Variants in ZNF804A observed in about 807,000 individuals in gnomAD.
ZNF804A encodes the protein zinc finger protein 804A.
ZNF804A carries 2 observed loss-of-function variants against 16.5 expected under a neutral mutation model. The observed-to-expected ratio is 0.12, with a 90% CI of 0.05 to 0.38. The LOEUF is 0.38. Among genes scored for constraint, ZNF804A ranks in the 10% least tolerant of loss-of-function variants. The probability of loss-of-function intolerance (pLI) is 0.99; values close to 1 mark genes in which losing one functional copy is unlikely to be tolerated. For missense variants in ZNF804A, 1,473 were observed against 1,390.7 expected (o/e 1.06, Z -0.94); for synonymous variants, 534 against 489.6 (o/e 1.09, Z -1.20).
chr2:184,809,241 G>A (rs1694855408), intron 1 of ZNF804A, among the ~76,000 whole-genome samples: 2 of 151,616 alleles, frequency 1.3e-5, no homozygotes, highest in South Asian at 4.1e-4. Flanking sequence ...TAGGTAAATG[G>A]ATAAAATTAT....
intron 1 of ZNF804A, among the ~76,000 whole-genome samples, chr2:184,788,879 T>A (rs1008351652): frequency 2.6e-5 from 4 of 151,958 alleles, no homozygotes; most frequent in African/African-American, 4.8e-5. Context: ...TGAGTAGGAG[T>A]GGTGAGAGCA....
At chr2:184,670,241 T>C (rs1405106859) in intron 1 of ZNF804A, among the ~76,000 whole-genome samples, 2 of 152,120 alleles carry the variant, frequency 1.3e-5, no homozygotes, top group South Asian at 2.1e-4. Context: ...ATCAGCCCAA[T>C]GTATTTAATT....
intron 1 of ZNF804A, among the ~76,000 whole-genome samples, chr2:184,809,058 A>G (rs1694853101): frequency 6.6e-6 from 1 of 151,892 alleles, no homozygotes; most frequent in African/African-American, 2.4e-5. Flanking sequence ...TACCAAAATC[A>G]AGACTTGAAG....
chr2:184,818,551 A>T (rs576279488), intron 1 of ZNF804A, among the ~76,000 whole-genome samples: 39 of 152,248 alleles, frequency 2.6e-4, no homozygotes, highest in African/African-American at 9.4e-4. Context: ...AAATTCACAC[A>T]TAAAAATATT....
At chr2:184,883,919 C>T (rs547430080) in intron 2 of ZNF804A, among the ~76,000 whole-genome samples, 1 of 152,166 alleles carries the variant, frequency 6.6e-6, no homozygotes, top group South Asian at 2.1e-4. Context: ...ACTCACCACT[C>T]CTATTTCACA....
chr2:184,808,194 C>G (rs1694840396), intron 1 of ZNF804A, among the ~76,000 whole-genome samples: 1 of 151,390 alleles, frequency 6.6e-6, no homozygotes, highest in African/African-American at 2.4e-5. Context: ...TAAATATAAG[C>G]ATGTATCATA....
chr2:184,629,562 C>A (rs1321862553), intron 1 of ZNF804A, among the ~76,000 whole-genome samples: 2 of 152,006 alleles, frequency 1.3e-5, no homozygotes, highest in Non-Finnish European at 2.9e-5. Flanking sequence ...ATAGTTAATA[C>A]AAATATACAA....
intron 2 of ZNF804A, among the ~76,000 whole-genome samples, chr2:184,933,273 A>T (rs1016212114): frequency 1.3e-5 from 2 of 152,164 alleles, no homozygotes; most frequent in Non-Finnish European, 2.9e-5. Flanking sequence ...ATTTTTTTGT[A>T]AATTTGGGAT....
intron 1 of ZNF804A, among the ~76,000 whole-genome samples, chr2:184,864,709 C>A (rs370852213): frequency 1.3e-5 from 2 of 152,062 alleles, no homozygotes; most frequent in African/African-American, 4.8e-5. Flanking sequence ...ATTGTAGAAA[C>A]AATTTAAACA....
intron 1 of ZNF804A, among the ~76,000 whole-genome samples, chr2:184,771,054 T>C (rs1423265417): frequency 6.6e-6 from 1 of 152,044 alleles, no homozygotes; most frequent in Non-Finnish European, 1.5e-5. Flanking sequence ...TATATTAATT[T>C]ACACAGTGGT....
intron 1 of ZNF804A, among the ~76,000 whole-genome samples, chr2:184,706,844 A>G (rs1479069388): frequency 2.6e-5 from 4 of 152,246 alleles, no homozygotes; most frequent in African/African-American, 9.6e-5. Context: ...AATGTGTTCT[A>G]TACTGATGAG....
At chr2:184,860,914 G>A (rs1406535935) in intron 1 of ZNF804A, among the ~76,000 whole-genome samples, 1 of 152,234 alleles carries the variant, frequency 6.6e-6, no homozygotes, top group Admixed American at 6.5e-5. Context: ...CTAGGGTATG[G>A]GCAAATCAGA....
chr2:184,803,759 G>C (rs1197704813), intron 1 of ZNF804A, among the ~76,000 whole-genome samples: 1 of 152,046 alleles, frequency 6.6e-6, no homozygotes, highest in Admixed American at 6.6e-5. Flanking sequence ...AGCTTCTGAT[G>C]GCCCCAGGTG....
intron 1 of ZNF804A, among the ~76,000 whole-genome samples, chr2:184,832,749 A>G (rs545168103): frequency 1.3e-4 from 20 of 152,106 alleles, no homozygotes; most frequent in Admixed American, 4.6e-4. Flanking sequence ...TATACAATCT[A>G]TAATTTTGAT....
intron 2 of ZNF804A, among the ~76,000 whole-genome samples, chr2:184,907,955 T>A (rs1034286873): frequency 6.6e-6 from 1 of 152,134 alleles, no homozygotes; most frequent in African/African-American, 2.4e-5. Flanking sequence ...AGACTGTAGA[T>A]AAATATTGAC....
At chr2:184,806,310 T>C (rs1310716796) in intron 1 of ZNF804A, among the ~76,000 whole-genome samples, 7 of 151,948 alleles carry the variant, frequency 4.6e-5, no homozygotes, top group African/African-American at 1.7e-4. Context: ...TTTTTCTTTA[T>C]TGGGGATCAA....
At chr2:184,723,683 A>G (rs1301243829) in intron 1 of ZNF804A, among the ~76,000 whole-genome samples, 1 of 151,672 alleles carries the variant, frequency 6.6e-6, no homozygotes, top group Non-Finnish European at 1.5e-5. Context: ...TATTGCTTTC[A>G]GTCTATATAT....
At chr2:184,828,807 A>T (rs1262209172) in intron 1 of ZNF804A, among the ~76,000 whole-genome samples, 1 of 151,824 alleles carries the variant, frequency 6.6e-6, no homozygotes, top group Admixed American at 6.6e-5. Context: ...TTTCAGTTAA[A>T]TCTTGTTCTC....
intron 1 of ZNF804A, among the ~76,000 whole-genome samples, chr2:184,711,592 G>T (rs1443547902): frequency 6.6e-6 from 1 of 151,522 alleles, no homozygotes; most frequent in Admixed American, 6.6e-5. Flanking sequence ...CTAATGCCAT[G>T]AATCTCTCCT....
Sources: allele counts gnomAD v4.1 joint callset (sites outside exome capture counted in the v4.1 genomes callset), GRCh38; gene constraint gnomAD v4.1.1; transcripts MANE v1.5; gene names NCBI Gene and HGNC (gene_info 2026-07-23, HGNC 2026-07-21).